CNTNAP2: variants seen among roughly 807,000 people sequenced by gnomAD.
The protein encoded by CNTNAP2 is contactin associated protein 2.
CNTNAP2 carries 98 observed loss-of-function variants against 155.2 expected under a neutral mutation model. The ratio of observed to expected loss-of-function variants is 0.63; its 90% confidence interval spans 0.54 to 0.75. The LOEUF is 0.75. Among genes scored for constraint, CNTNAP2 ranks in the 30% least tolerant of loss-of-function variants. The probability of loss-of-function intolerance (pLI) is 0.00; values close to 1 mark genes in which losing one functional copy is unlikely to be tolerated. For synonymous variants in CNTNAP2, 651 were observed against 631.2 expected, an observed-to-expected ratio of 1.03 and a Z score of -0.47; for missense variants, 1,727 against 1,688.1, an observed-to-expected ratio of 1.02 and a Z score of -0.40.
At chr7:148,011,077 CAG>C (rs1033727933) in intron 15 of CNTNAP2, among the ~76,000 whole-genome samples, 2 of 152,058 alleles carry the variant, frequency 1.3e-5, no homozygotes, top group Non-Finnish European at 2.9e-5. Flanking sequence ...TAATGTGAGA[CAG>C]AATTCACATT....
intron 1 of CNTNAP2, among the ~76,000 whole-genome samples, chr7:146,548,503 G>A (rs1798063770): frequency 6.6e-6 from 1 of 151,956 alleles, no homozygotes; most frequent in Admixed American, 6.6e-5. Flanking sequence ...TAAGACACAT[G>A]TCTTTTGCTT....
At chr7:146,177,086 C>T (rs959522401) in intron 1 of CNTNAP2, among the ~76,000 whole-genome samples, 1 of 152,200 alleles carries the variant, frequency 6.6e-6, no homozygotes, top group Non-Finnish European at 1.5e-5. Context: ...CCCTTCTGCT[C>T]AACATGCATC....
intron 11 of CNTNAP2, among the ~76,000 whole-genome samples, chr7:147,519,582 G>A (rs1427118938): frequency 1.3e-5 from 2 of 152,200 alleles, no homozygotes; most frequent in East Asian, 3.8e-4. Context: ...AATAAACTTG[G>A]CCAGGCACAG....
intron 14 of CNTNAP2, among the ~76,000 whole-genome samples, chr7:147,927,738 A>G (rs1409767575): frequency 6.6e-6 from 1 of 152,244 alleles, no homozygotes; most frequent in Non-Finnish European, 1.5e-5. Flanking sequence ...AGAAATAACT[A>G]CTGATATTCC....
At chr7:148,326,275 C>G (rs1269272092) in intron 21 of CNTNAP2, among the ~76,000 whole-genome samples, 1 of 152,202 alleles carries the variant, frequency 6.6e-6, no homozygotes, top group African/African-American at 2.4e-5. Context: ...CTTTGGGGAT[C>G]TTTTCCATCA....
intron 1 of CNTNAP2, among the ~76,000 whole-genome samples, chr7:146,262,656 C>A (rs1173266619): frequency 1.3e-5 from 2 of 152,076 alleles, no homozygotes; most frequent in Non-Finnish European, 2.9e-5. Context: ...ATGGCAGCTA[C>A]TACTGAAAAA....
intron 21 of CNTNAP2, among the ~76,000 whole-genome samples, chr7:148,297,929 A>G (rs1797314031): frequency 6.6e-6 from 1 of 152,164 alleles, no homozygotes; most frequent in African/African-American, 2.4e-5. Flanking sequence ...GTGAGTTCCC[A>G]AACAGCTCCC....
intron 1 of CNTNAP2, among the ~76,000 whole-genome samples, chr7:146,183,807 C>T (rs1472272344): frequency 6.6e-6 from 1 of 151,980 alleles, no homozygotes; most frequent in African/African-American, 2.4e-5. Flanking sequence ...CTCCTCCCAC[C>T]TATAATTTTC....
intron 2 of CNTNAP2, among the ~76,000 whole-genome samples, chr7:146,795,236 T>A (rs550863238): frequency 6.6e-6 from 1 of 152,226 alleles, no homozygotes; most frequent in Non-Finnish European, 1.5e-5. Context: ...AGATCAACTA[T>A]GTTGATGGTA....
At chr7:148,296,681 A>G (rs550859838) in intron 21 of CNTNAP2, among the ~76,000 whole-genome samples, 59 of 152,218 alleles carry the variant, frequency 3.9e-4, no homozygotes, top group African/African-American at 1.3e-3. Context: ...ATCAGACACT[A>G]TGAGCACTGC....
chr7:146,997,927 A>G (rs1584773955), intron 3 of CNTNAP2, among the ~76,000 whole-genome samples: 2 of 152,008 alleles, frequency 1.3e-5, no homozygotes, highest in Admixed American at 1.3e-4. Flanking sequence ...TGTGTTGAGT[A>G]TTCTCTTTTT....
chr7:148,020,666 T>C (rs1269596425), intron 15 of CNTNAP2, among the ~76,000 whole-genome samples: 2 of 152,270 alleles, frequency 1.3e-5, no homozygotes, highest in Non-Finnish European at 2.9e-5. Context: ...CGATATTTTT[T>C]CCTGCAATAT....
intron 18 of CNTNAP2, among the ~76,000 whole-genome samples, chr7:148,172,946 A>G (rs1363574429): frequency 6.6e-6 from 1 of 152,212 alleles, no homozygotes; most frequent in Non-Finnish European, 1.5e-5. Flanking sequence ...ACTCACCAGA[A>G]AGCTCCTCTG....
At chr7:147,220,401 A>C (rs1281838262) in intron 8 of CNTNAP2, among the ~76,000 whole-genome samples, 1 of 152,148 alleles carries the variant, frequency 6.6e-6, no homozygotes, top group East Asian at 1.9e-4. Context: ...GACAACACAG[A>C]GTTGAGTCTT....
intron 1 of CNTNAP2, among the ~76,000 whole-genome samples, chr7:146,220,320 T>G (rs1799185899): frequency 6.6e-6 from 1 of 152,132 alleles, no homozygotes; most frequent in East Asian, 1.9e-4. Context: ...TCAATGAAAT[T>G]TTCCAGCTAG....
intron 1 of CNTNAP2, among the ~76,000 whole-genome samples, chr7:146,750,519 C>A (rs1296663719): frequency 1.3e-5 from 2 of 152,180 alleles, no homozygotes; most frequent in African/African-American, 2.4e-5. Flanking sequence ...GGAACACTCA[C>A]TAGTCCTTTA....
chr7:147,266,592 T>G (rs1270422998), intron 8 of CNTNAP2, among the ~76,000 whole-genome samples: 1 of 152,210 alleles, frequency 6.6e-6, no homozygotes, highest in Admixed American at 6.5e-5. Flanking sequence ...TGCAGCATTC[T>G]GTTCACTGAG....
chr7:147,904,577 A>C (rs765321787), intron 14 of CNTNAP2, among the ~76,000 whole-genome samples: 5 of 152,298 alleles, frequency 3.3e-5, no homozygotes, highest in South Asian at 4.2e-4. Context: ...ATGCCCAGCC[A>C]TGGTTTTCTT....
intron 4 of CNTNAP2, among the ~76,000 whole-genome samples, chr7:147,078,853 A>T (rs1190389220): frequency 2.6e-5 from 4 of 151,806 alleles, no homozygotes; most frequent in South Asian, 2.1e-4. Flanking sequence ...AGATTCAAGC[A>T]ATTCTCCTAC....
Sources: allele counts gnomAD v4.1 joint callset (sites outside exome capture counted in the v4.1 genomes callset), GRCh38; gene constraint gnomAD v4.1.1; transcripts MANE v1.5; gene names NCBI Gene and HGNC (gene_info 2026-07-23, HGNC 2026-07-21).